Variants in DIXDC1 observed in about 807,000 individuals in gnomAD.
The protein encoded by DIXDC1 is dixin.
DIXDC1 carries 64 observed loss-of-function variants against 103.1 expected under a neutral mutation model. The observed-to-expected ratio is 0.62, with a 90% CI of 0.51 to 0.76. DIXDC1 has a LOEUF of 0.76. Ranked by LOEUF, DIXDC1 falls within the 30% of genes least tolerant of loss-of-function variation. DIXDC1 has a pLI of 0.00. For synonymous variants in DIXDC1, 266 were observed against 298.5 expected (o/e 0.89, Z 1.12); for missense variants, 759 against 834.2 (o/e 0.91, Z 1.11).
chr11:111,973,343 G>A (rs1859997560), intron 3 of DIXDC1, among the ~76,000 whole-genome samples: 1 of 150,952 alleles, frequency 6.6e-6, no homozygotes, highest in Non-Finnish European at 1.5e-5. Context: ...TTACACTCCA[G>A]CCTAGACAAC....
At chr11:112,010,822 A>C (rs1566578230) in intron 17 of DIXDC1, among the ~76,000 whole-genome samples, 1 of 152,226 alleles carries the variant, frequency 6.6e-6, no homozygotes, top group Non-Finnish European at 1.5e-5. Context: ...TAAAGACTTA[A>C]ACGTTAGACC....
intron 1 of DIXDC1, among the ~76,000 whole-genome samples, chr11:111,961,579 T>C (rs1343097970): frequency 6.6e-6 from 1 of 152,220 alleles, no homozygotes; most frequent in Non-Finnish European, 1.5e-5. Context: ...TCCTCTTTTG[T>C]TGGAAGACCA....
intron 15 of DIXDC1, 109 bp from the exon 16 acceptor site, chr11:111,995,294 C>T: frequency 2.7e-6 from 4 of 1,470,626 alleles, no homozygotes; most frequent in Middle Eastern, 2.4e-4. Context: ...CATAGGCCTG[C>T]TTCTGTGGGG....
intron 3 of DIXDC1, 88 bp downstream of exon 3, chr11:111,968,726 G>T: frequency 7.5e-7 from 1 of 1,326,526 alleles, no homozygotes; most frequent in Non-Finnish European, 1.0e-6. Context: ...TAACCTGGGG[G>T]AAGATAGAAA....
rs1555178393 is a variant in DIXDC1 at position 112,021,040 on chromosome 11, A to C, written c.*2004A>C. The C allele has an allele frequency of 6.6e-6, 1 of 152,232 alleles. No individual in the cohort carries two copies. The highest frequency in any genetic ancestry group is 6.5e-5 in the Admixed American group (1 of 15,278). 9.4% of individuals were successfully genotyped at this position (152,232 alleles called of 1,614,324 possible). ...GGCCAAAATTCATTATTGTATTTCC[A>C]ATACAGTTTGTCTTGAATGTCTGTC... On this transcript the variant is annotated 3_prime_UTR_variant, in exon 20 of 20. Transcript: ENST00000440460.
At chr11:111,953,338 ATAAT>A (rs1449801618) in intron 1 of DIXDC1, among the ~76,000 whole-genome samples, 2 of 152,178 alleles carry the variant, frequency 1.3e-5, no homozygotes, top group Admixed American at 1.3e-4. Flanking sequence ...CAAAAAATAA[ATAAT>A]TAAAATCAAC....
At chr11:111,965,798 A>G (rs1186592035) in intron 2 of DIXDC1, among the ~76,000 whole-genome samples, 1 of 152,208 alleles carries the variant, frequency 6.6e-6, no homozygotes, top group East Asian at 1.9e-4. Flanking sequence ...TGATAGGTGT[A>G]TAATATGACT....
At chr11:111,986,186 C>T (rs1860482568) in intron 8 of DIXDC1, among the ~76,000 whole-genome samples, 1 of 152,116 alleles carries the variant, frequency 6.6e-6, no homozygotes, top group South Asian at 2.1e-4. Context: ...GAATAATTTG[C>T]CTTAAAGACA....
chr11:111,957,545 A>G (rs1859431088), intron 1 of DIXDC1, among the ~76,000 whole-genome samples: 1 of 152,254 alleles, frequency 6.6e-6, no homozygotes, highest in Non-Finnish European at 1.5e-5. Flanking sequence ...TTCGCTGAGA[A>G]GAGCACAATG....
rs782286159 is a variant in DIXDC1 at position 112,016,673 on chromosome 11, GTC to G, written c.1757-14_1757-13del. On this transcript the variant is annotated splice_polypyrimidine_tract_variant and intron_variant, in intron 17 of 19. Coordinates refer to ENST00000440460, the MANE Select transcript of DIXDC1 (RefSeq NM_001037954.4). ...AGAGCAAATGAATGTTCTAACCACAGTCTCTTTCTGATTGTAGAGTTGCCTCA... is the reference window on the plus strand; with the variant it reads ...AGAGCAAATGAATGTTCTAACCACAGTCTTTCTGATTGTAGAGTTGCCTCA... 3.8e-6 allele frequency: 6 copies of G among 1,573,008 alleles called. No homozygotes were observed. Among genetic ancestry groups the G allele is most frequent in the South Asian group, 3.5e-5 (3 of 85,676 alleles).
intron 1 of DIXDC1, among the ~76,000 whole-genome samples, chr11:111,962,494 AG>A (rs1859615445): frequency 1.3e-5 from 2 of 151,954 alleles, no homozygotes; most frequent in South Asian, 4.2e-4. Flanking sequence ...AGAAAAAAAA[AG>A]AGGCAGGAGT....
intron 17 of DIXDC1, among the ~76,000 whole-genome samples, chr11:112,002,009 G>A (rs1275817340): frequency 6.6e-6 from 1 of 151,898 alleles, no homozygotes; most frequent in Non-Finnish European, 1.5e-5. Flanking sequence ...TGCCCGCCTC[G>A]GCCTCCCAAA....
intron 3 of DIXDC1, among the ~76,000 whole-genome samples, chr11:111,968,886 T>A (rs1859820621): frequency 6.6e-6 from 1 of 152,132 alleles, no homozygotes; most frequent in Non-Finnish European, 1.5e-5. Context: ...GTGATTCTCC[T>A]GCCTCAGCCT....
chr11:111,937,111 C>G, upstream of DIXDC1: 1 of 623,380 alleles, frequency 1.6e-6, no homozygotes, highest in Non-Finnish European at 2.0e-6. Context: ...CACGCACACA[C>G]GCCCGTGCTG....
At position 111,944,629 on chromosome 11, in the gene DIXDC1, A is replaced by G. The variant is rs1555169196; in HGVS notation, c.60+7070A>G. On this transcript the variant is annotated intron_variant, in intron 1 of 19. Transcript: ENST00000440460. The stretch of plus-strand genomic sequence containing the variant: ...CTAGAAGACTTTTACCTAAAATCAT[A>G]GGGTTATTTGGAGTGTCTTGGAGGA... Among the ~76,000 whole-genome samples the G allele has an allele frequency of 2.6e-5, 4 of 152,344 alleles. 1 individual carries two copies. In the East Asian group the frequency reaches 7.7e-4, roughly 29 times the overall value.
intron 5 of DIXDC1, among the ~76,000 whole-genome samples, chr11:111,979,210 A>G (rs1860218808): frequency 6.6e-6 from 1 of 152,226 alleles, no homozygotes; most frequent in Non-Finnish European, 1.5e-5. Context: ...AAATACGGAC[A>G]GTGAGGAGGA....
rs1396031206 is a variant in DIXDC1 at position 111,998,478 on chromosome 11, G to A, written c.1756+2332G>A. ...CCCCTGGCTTTAACTACACTTGTGT[G>A]CCGATAATTTTTATGTTTTATCTCA... On this transcript the variant is annotated intron_variant, in intron 17 of 19. Transcript: ENST00000440460. The surrounding 1 kb of genome is among the most constrained non-coding windows in gnomAD (Gnocchi z 4.1). Among the ~76,000 whole-genome samples the A allele has an allele frequency of 1.3e-5, 2 of 152,174 alleles. No individual in the cohort carries two copies. Among genetic ancestry groups the A allele is most frequent in the Non-Finnish European group, 2.9e-5 (2 of 68,042 alleles).
chr11:111,970,655 C>T (rs189043777), intron 3 of DIXDC1, among the ~76,000 whole-genome samples: 2 of 144,722 alleles, frequency 1.4e-5, no homozygotes, highest in East Asian at 2.0e-4. Flanking sequence ...GAGCGAAACT[C>T]TATCTCAAAA....
chr11:112,016,509 A>G (rs1039482347), intron 17 of DIXDC1, among the ~76,000 whole-genome samples, 182 bp from the exon 18 acceptor site: 1 of 152,148 alleles, frequency 6.6e-6, no homozygotes, highest in Admixed American at 6.5e-5. Flanking sequence ...TCCATGTCTG[A>G]AGCAAGTCTT....
Sources: allele counts gnomAD v4.1 joint callset (sites outside exome capture counted in the v4.1 genomes callset), GRCh38; gene constraint gnomAD v4.1.1; non-coding constraint Gnocchi (gnomAD v3.1); transcripts MANE v1.5; gene names NCBI Gene and HGNC (gene_info 2026-07-23, HGNC 2026-07-21).